RAD51B: variants seen among roughly 807,000 people sequenced by gnomAD.
The protein encoded by RAD51B is DNA repair protein RAD51 homolog 2.
RAD51B carries 38 observed loss-of-function variants against 42.2 expected under a neutral mutation model. That is an observed-to-expected ratio of 0.90 (90% CI 0.70 to 1.18). The LOEUF (loss-of-function observed/expected upper bound fraction) is 1.18, where lower values mean the gene tolerates loss of function less well. Ranked by LOEUF, RAD51B falls within the 50% of genes most tolerant of loss-of-function variation. RAD51B has a pLI of 0.00. For synonymous variants in RAD51B, 154 were observed against 145.2 expected, an observed-to-expected ratio of 1.06 and a Z score of -0.43; for missense variants, 373 against 400.7, an observed-to-expected ratio of 0.93 and a Z score of 0.59.
chr14:68,118,732 A>G (rs117668393), intron 7 of RAD51B, among the ~76,000 whole-genome samples: 4 of 152,280 alleles, frequency 2.6e-5, no homozygotes, highest in Non-Finnish European at 4.4e-5. Context: ...AATCTTCATT[A>G]TGATTTCTCA....
At chr14:68,630,202 A>C (rs1220607489) in intron 10 of RAD51B, among the ~76,000 whole-genome samples, 1 of 152,128 alleles carries the variant, frequency 6.6e-6, no homozygotes, top group Non-Finnish European at 1.5e-5. Flanking sequence ...GACGTAAGTC[A>C]CGTTCCATTG....
chr14:68,427,138 T>C (rs796721136), intron 9 of RAD51B, among the ~76,000 whole-genome samples: 1 of 152,184 alleles, frequency 6.6e-6, no homozygotes, highest in South Asian at 2.1e-4. Flanking sequence ...AAAGGATATA[T>C]TGGATAGCCT....
rs775351810 is a variant in RAD51B at position 68,557,549 on chromosome 14, A to T, written c.1037-36936A>T. Among the ~76,000 whole-genome samples, 4 of 152,336 alleles carry T rather than the reference A, an allele frequency of 2.6e-5. No individual in the cohort carries two copies. In the East Asian group the frequency reaches 7.7e-4, roughly 29 times the overall value. On this transcript the variant is annotated intron_variant, in intron 10 of 10. Coordinates refer to the RAD51B transcript ENST00000487270. ...AGTAGAATTCCTTTAATCCACATAG[A>T]CTTACAATGGTGCTGTGCACATGGA...
At chr14:68,479,582 T>G (rs1365343176), downstream of RAD51B, among the ~76,000 whole-genome samples, 1 of 152,128 alleles carries the variant, frequency 6.6e-6, no homozygotes, top group East Asian at 1.9e-4. Flanking sequence ...ATCATACTTC[T>G]GCCTGACTGT....
intron 8 of RAD51B, among the ~76,000 whole-genome samples, chr14:68,304,402 C>CA (rs1379649633): frequency 6.6e-6 from 1 of 152,166 alleles, no homozygotes; most frequent in Non-Finnish European, 1.5e-5. Context: ...AGTTGGCATT[C>CA]AAACCTAGAG....
intron 7 of RAD51B, among the ~76,000 whole-genome samples, chr14:68,116,605 C>T (rs1233186749): frequency 6.6e-6 from 1 of 152,046 alleles, no homozygotes; most frequent in Non-Finnish European, 1.5e-5. Context: ...ATATTGTGAA[C>T]CTTTAAGTTT....
intron 10 of RAD51B, chr14:68,562,230 G>T: frequency 1.0e-6 from 1 of 985,382 alleles, no homozygotes; most frequent in Non-Finnish European, 1.2e-6. Flanking sequence ...AGCCCTTCCA[G>T]TGATACTGAA....
intron 10 of RAD51B, among the ~76,000 whole-genome samples, chr14:68,518,304 C>T (rs1886302772): frequency 6.6e-6 from 1 of 152,202 alleles, no homozygotes; most frequent in Non-Finnish European, 1.5e-5. Flanking sequence ...AGTAGGCTTG[C>T]ACCCCACACC....
At chr14:68,428,739 ATATATATATATATATATATATATAT>A (rs2084920365) in intron 9 of RAD51B, among the ~76,000 whole-genome samples, 2 of 64,940 alleles carry the variant, frequency 3.1e-5, no homozygotes, top group African/African-American at 9.7e-5. Context: ...ATATATATAT[ATATATATATATATATATATATATAT>A]AATTATTATA....
chr14:68,470,795 A>G (rs973505061), intron 10 of RAD51B: 6 of 421,940 alleles, frequency 1.4e-5, no homozygotes, highest in African/African-American at 1.2e-4. Context: ...TCTTACGTGG[A>G]TTGTTGTAAC....
At chr14:68,267,705 GTC>G (rs1335991918) in intron 7 of RAD51B, among the ~76,000 whole-genome samples, 1 of 152,144 alleles carries the variant, frequency 6.6e-6, no homozygotes, top group Non-Finnish European at 1.5e-5. Context: ...TTCATTTTAT[GTC>G]TCTCTAGCTC....
At chr14:68,387,048 A>T (rs992333203) in intron 8 of RAD51B, 1 of 152,232 alleles carries the variant, frequency 6.6e-6, no homozygotes, top group African/African-American at 2.4e-5. Flanking sequence ...TTTTTGTATC[A>T]GGGATGGTTG....
At chr14:68,145,797 T>G (rs1348050341) in intron 7 of RAD51B, among the ~76,000 whole-genome samples, 2 of 152,256 alleles carry the variant, frequency 1.3e-5, no homozygotes, top group African/African-American at 4.8e-5. Context: ...TTTGTACAAG[T>G]TGAACTCACC....
intron 8 of RAD51B, among the ~76,000 whole-genome samples, chr14:68,410,874 G>T (rs1261017241): frequency 6.6e-6 from 1 of 151,892 alleles, no homozygotes; most frequent in Admixed American, 6.6e-5. Flanking sequence ...TTGGAATAGG[G>T]ATGTCTAAAA....
intron 10 of RAD51B, among the ~76,000 whole-genome samples, chr14:68,524,097 T>C (rs1312129164): frequency 1.3e-5 from 2 of 152,154 alleles, no homozygotes; most frequent in Non-Finnish European, 2.9e-5. Flanking sequence ...ACTCACTCCT[T>C]ACGTCATCCC....
chr14:68,272,639 A>ATATATATATT (rs1281482702), intron 7 of RAD51B, among the ~76,000 whole-genome samples: 6 of 10,806 alleles, frequency 5.6e-4, no homozygotes, highest in African/African-American at 1.6e-3. Flanking sequence ...AACACTTTAT[A>ATATATATATT]TATATATATA....
chr14:68,154,488 C>T (rs911716910), intron 7 of RAD51B, among the ~76,000 whole-genome samples: 1 of 152,224 alleles, frequency 6.6e-6, no homozygotes, highest in Non-Finnish European at 1.5e-5. Context: ...TCCTTACATG[C>T]ATGCACTAAT....
rs192197866 is a variant in RAD51B, at chr14:67,901,002, A to G, written c.756+13798A>G. Among the ~76,000 whole-genome samples, 5 of 152,218 alleles carry G rather than the reference A, an allele frequency of 3.3e-5. No individual in the cohort carries two copies. In the East Asian group the frequency reaches 9.7e-4, roughly 30 times the overall value. ...AGAATAAGGCTTGCAGCCACTGGAG[A>G]GTAAATAGAGTAGAATTTATTAAGC... is the stretch of plus-strand genomic sequence containing the variant. On this transcript the variant is annotated intron_variant, in intron 7 of 10. Transcript: ENST00000471583.
intron 10 of RAD51B, among the ~76,000 whole-genome samples, chr14:68,516,974 T>A (rs1886199929): frequency 6.6e-6 from 1 of 152,254 alleles, no homozygotes; most frequent in South Asian, 2.1e-4. Context: ...TTAATTATTG[T>A]CTTTCTTGAA....
Sources: gnomAD v4.1 joint callset for allele counts (sites outside exome capture counted in the v4.1 genomes callset) on GRCh38, gnomAD v4.1.1 for gene constraint, MANE v1.5 for transcripts, NCBI Gene and HGNC (gene_info 2026-07-23, HGNC 2026-07-21) for gene names.